F13A1: variants seen among roughly 807,000 people sequenced by gnomAD.
F13A1 encodes coagulation factor XIII A chain.
In F13A1, 47 loss-of-function variants were observed where a neutral mutation model predicts 80.1. The observed-to-expected ratio is 0.59, with a 90% CI of 0.46 to 0.75. The LOEUF (loss-of-function observed/expected upper bound fraction) is 0.75, where lower values mean the gene tolerates loss of function less well. Ranked by LOEUF, F13A1 falls within the 30% of genes least tolerant of loss-of-function variation. The pLI, the probability that F13A1 is intolerant of heterozygous loss-of-function variation, is 0.00. For missense variants in F13A1, 817 were observed against 930.4 expected, an observed-to-expected ratio of 0.88 and a Z score of 1.59; for synonymous variants, 349 against 344.9, an observed-to-expected ratio of 1.01 and a Z score of -0.13.
At chr6:6,199,509 A>T (rs1189513703) in intron 8 of F13A1, among the ~76,000 whole-genome samples, 2 of 149,336 alleles carry the variant, frequency 1.3e-5, no homozygotes, top group African/African-American at 2.5e-5. Flanking sequence ...AAAAAAAAAG[A>T]ACAGTACTAT....
At chr6:6,181,249 A>G (rs144783514) in intron 11 of F13A1, among the ~76,000 whole-genome samples, 1,944 of 152,278 alleles carry the variant, frequency 0.013, 17 homozygotes, top group Non-Finnish European at 0.021. Context: ...AAATGCCCCT[A>G]CTTATTGTTT....
intron 3 of F13A1, among the ~76,000 whole-genome samples, chr6:6,296,347 T>G (rs1269207433): frequency 6.7e-6 from 1 of 148,598 alleles, no homozygotes; most frequent in African/African-American, 2.5e-5. Context: ...AGTATGGCCA[T>G]TTTCACGATA....
intron 2 of F13A1, among the ~76,000 whole-genome samples, chr6:6,313,800 G>A (rs1195744621): frequency 6.6e-6 from 1 of 152,106 alleles, no homozygotes; most frequent in African/African-American, 2.4e-5. Context: ...TTTATAAAGT[G>A]TTGTTATTAA....
chr6:6,303,608 C>T (rs138992647), intron 3 of F13A1, among the ~76,000 whole-genome samples: 2 of 152,238 alleles, frequency 1.3e-5, no homozygotes, highest in East Asian at 1.9e-4. Flanking sequence ...ACTATAGTCA[C>T]CATGCTGTGG....
chr6:6,307,989 T>C (rs1042485965), intron 2 of F13A1, among the ~76,000 whole-genome samples: 2 of 151,778 alleles, frequency 1.3e-5, no homozygotes, highest in Non-Finnish European at 1.5e-5. Flanking sequence ...TTTTTTTTTT[T>C]CTGAGTAAAA....
intron 8 of F13A1, among the ~76,000 whole-genome samples, chr6:6,207,336 GT>G (rs540001490): frequency 6.6e-5 from 10 of 152,244 alleles, no homozygotes; most frequent in African/African-American, 2.4e-4. Flanking sequence ...CTCAGGGCTT[GT>G]TTTTATTTGA....
chr6:6,181,294 G>A (rs1006980800), intron 11 of F13A1, among the ~76,000 whole-genome samples: 6 of 152,090 alleles, frequency 3.9e-5, no homozygotes, highest in African/African-American at 1.4e-4. Flanking sequence ...CCTGTCACTC[G>A]GACCAGGACA....
At chr6:6,160,524 A>G (rs1313475589) in intron 13 of F13A1, among the ~76,000 whole-genome samples, 1 of 151,922 alleles carries the variant, frequency 6.6e-6, no homozygotes, top group African/African-American at 2.4e-5. Context: ...TTTAGTAGAA[A>G]CAGGGTTTCA....
chr6:6,316,696 GGATAT>G (rs1202231193), intron 2 of F13A1, among the ~76,000 whole-genome samples: 10 of 152,114 alleles, frequency 6.6e-5, no homozygotes, highest in African/African-American at 2.4e-4. Context: ...GACCTTGCTG[GGATAT>G]GATAAGTTGC....
At chr6:6,290,830 G>A (rs766297291) in intron 3 of F13A1, among the ~76,000 whole-genome samples, 16 of 152,162 alleles carry the variant, frequency 1.1e-4, no homozygotes, top group African/African-American at 2.2e-4. Flanking sequence ...TGATGAAATA[G>A]GCTGTCTATT....
intron 8 of F13A1, among the ~76,000 whole-genome samples, chr6:6,205,244 G>C (rs1761466416): frequency 6.6e-6 from 1 of 152,226 alleles, no homozygotes; most frequent in South Asian, 2.1e-4. Flanking sequence ...CAATGGAGGG[G>C]GTTGCAGATG....
At chr6:6,231,514 T>C (rs1205076747) in intron 6 of F13A1, among the ~76,000 whole-genome samples, 1 of 152,134 alleles carries the variant, frequency 6.6e-6, no homozygotes, top group Non-Finnish European at 1.5e-5. Context: ...GGGGTAATAA[T>C]TGAGGAATAC....
intron 3 of F13A1, among the ~76,000 whole-genome samples, chr6:6,284,615 C>G (rs1429555287): frequency 1.3e-5 from 2 of 152,202 alleles, no homozygotes; most frequent in Non-Finnish European, 2.9e-5. Context: ...CTTCTTACAA[C>G]TCCAGAGCCT....
At chr6:6,236,205 A>G (rs183940453) in intron 6 of F13A1, among the ~76,000 whole-genome samples, 27 of 152,248 alleles carry the variant, frequency 1.8e-4, no homozygotes, top group African/African-American at 6.3e-4. Context: ...GGCAATGGAT[A>G]TATTCATTAT....
intron 10 of F13A1, among the ~76,000 whole-genome samples, chr6:6,190,575 G>T (rs1436525523): frequency 6.6e-6 from 1 of 151,484 alleles, no homozygotes; most frequent in African/African-American, 2.4e-5. Flanking sequence ...GAGGCAGTCT[G>T]CCCCTTCTCA....
intron 3 of F13A1, among the ~76,000 whole-genome samples, chr6:6,270,151 A>T (rs540932620): frequency 3.3e-5 from 5 of 152,336 alleles, no homozygotes; most frequent in Admixed American, 3.3e-4. Flanking sequence ...GCAACGCCTA[A>T]CACAGTAGCT....
intron 3 of F13A1, among the ~76,000 whole-genome samples, chr6:6,294,734 TAAA>T (rs1316760263): frequency 1.3e-5 from 2 of 151,504 alleles, no homozygotes; most frequent in African/African-American, 2.4e-5. Flanking sequence ...AGTCTTTTTT[TAAA>T]AATTTATTTA....
intron 8 of F13A1, among the ~76,000 whole-genome samples, chr6:6,201,687 A>C (rs1341787518): frequency 6.6e-6 from 1 of 152,048 alleles, no homozygotes; most frequent in Admixed American, 6.6e-5. Flanking sequence ...ATGTTTACAG[A>C]CATTTATTTT....
chr6:6,309,504 CA>C (rs1758561176), intron 2 of F13A1, among the ~76,000 whole-genome samples: 1 of 152,218 alleles, frequency 6.6e-6, no homozygotes, highest in Admixed American at 6.5e-5. Flanking sequence ...CAAGAGAGTG[CA>C]TAGTTGCTTA....
Sources: gnomAD v4.1 joint callset for allele counts (sites outside exome capture counted in the v4.1 genomes callset) on GRCh38, gnomAD v4.1.1 for gene constraint, MANE v1.5 for transcripts, NCBI Gene and HGNC (gene_info 2026-07-23, HGNC 2026-07-21) for gene names.